NUP210L: variants seen among roughly 807,000 people sequenced by gnomAD.
NUP210L encodes nucleoporin 210 like.
NUP210L carries 74 observed loss-of-function variants against 208.5 expected under a neutral mutation model. The observed-to-expected ratio is 0.35, with a 90% CI of 0.29 to 0.43. The LOEUF (loss-of-function observed/expected upper bound fraction) is 0.43. Ranked by LOEUF, NUP210L falls within the 20% of genes least tolerant of loss-of-function variation. The pLI, the probability that NUP210L is intolerant of heterozygous loss-of-function variation, is 1.00. For synonymous variants in NUP210L, 780 were observed against 816.9 expected (o/e 0.95, Z 0.77); for missense variants, 1,843 against 2,289.4 (o/e 0.81, Z 3.98).
At chr1:154,061,417 C>A (rs1442252384) in intron 18 of NUP210L, among the ~76,000 whole-genome samples, 169 bp downstream of exon 18, 1 of 151,916 alleles carries the variant, frequency 6.6e-6, no homozygotes, top group African/African-American at 2.4e-5. Flanking sequence ...AAGTCAATGT[C>A]TAATTCTTCA....
At chr1:154,003,863 G>A (rs1650350352) in intron 35 of NUP210L, among the ~76,000 whole-genome samples, 1 of 152,080 alleles carries the variant, frequency 6.6e-6, no homozygotes, top group East Asian at 1.9e-4. Context: ...TCTCTGAAAT[G>A]TCTCTGACAT....
Position 154,046,375 on chromosome 1 carries a change from C to T in NUP210L, c.3484-6G>A. 1 of 1,613,176 alleles carries T rather than the reference C, an allele frequency of 6.2e-7. No homozygotes were observed. The highest frequency in any genetic ancestry group is 8.5e-7 in the Non-Finnish European group (1 of 1,179,374). On this transcript the variant is annotated splice_region_variant and splice_polypyrimidine_tract_variant and intron_variant, in intron 25 of 39. Transcript: ENST00000368559. ...ACTTCAATCTGTACTTCATCCTGCT[C>T]AACAGGGTGGAGAGCAAGCTTAGGC... is the stretch of plus-strand genomic sequence containing the variant.
At chr1:154,136,088 T>C (rs1392085586) in intron 6 of NUP210L, 116 bp from the exon 7 acceptor site, 1 of 706,208 alleles carries the variant, frequency 1.4e-6, no homozygotes, top group African/African-American at 1.8e-5. Context: ...GAGTATGATC[T>C]GCTTCTAATG....
intron 21 of NUP210L, 39 bp from the exon 22 acceptor site, chr1:154,058,255 T>G (rs753672230): frequency 1.7e-5 from 28 of 1,608,506 alleles, no homozygotes; most frequent in Non-Finnish European, 2.1e-5. Context: ...CAAAGGTGTC[T>G]CATTCACCAA....
At chr1:154,073,068 T>C (rs1195008333) in intron 16 of NUP210L, among the ~76,000 whole-genome samples, 3 of 151,898 alleles carry the variant, frequency 2.0e-5, no homozygotes, top group African/African-American at 7.3e-5. Context: ...CTCCAACAAA[T>C]TAGCAAGGAA....
At chr1:154,015,981 G>A (rs1227114303) in intron 33 of NUP210L, among the ~76,000 whole-genome samples, 1 of 151,360 alleles carries the variant, frequency 6.6e-6, no homozygotes, top group Non-Finnish European at 1.5e-5. Flanking sequence ...ATGGCTAGGT[G>A]CAGTGGCTCA....
chr1:154,009,739 C>T (rs1650791990), intron 35 of NUP210L, among the ~76,000 whole-genome samples: 1 of 144,504 alleles, frequency 6.9e-6, no homozygotes, highest in Non-Finnish European at 1.5e-5. Flanking sequence ...TTACAGTGAG[C>T]TATGATCACA....
At chr1:154,055,623 T>C (rs1219249454) in intron 23 of NUP210L, among the ~76,000 whole-genome samples, 2 of 152,108 alleles carry the variant, frequency 1.3e-5, no homozygotes, top group African/African-American at 4.8e-5. Context: ...CTCAAACTCC[T>C]AGGCTCAAGT....
intron 13 of NUP210L, 67 bp downstream of exon 13, chr1:154,103,945 A>C: frequency 8.1e-7 from 1 of 1,230,410 alleles, no homozygotes; most frequent in South Asian, 1.4e-5. Flanking sequence ...GTAATCTGTC[A>C]CAGTGGTAGA....
chr1:154,082,889 G>A (rs114304967), intron 16 of NUP210L, among the ~76,000 whole-genome samples: 5,247 of 152,078 alleles, frequency 0.035, 150 homozygotes, highest in Non-Finnish European at 0.052. Context: ...CTGGCTTCAG[G>A]AGTAAAGCTG....
chr1:154,135,758 G>A (rs1280626175), intron 7 of NUP210L, 56 bp downstream of exon 7: 1 of 1,450,584 alleles, frequency 6.9e-7, no homozygotes, highest in Admixed American at 1.7e-5. Context: ...CAAAGAACAT[G>A]TCTAGGATGC....
chr1:153,995,103 G>C (rs1328650578), exon 38 of NUP210L: 1 of 1,613,282 alleles, frequency 6.2e-7, no homozygotes. Context: ...GTTGATGCCA[G>C]CACTGCAAAG....
intron 1 of NUP210L, among the ~76,000 whole-genome samples, chr1:154,153,423 C>T (rs1193949095): frequency 2.0e-5 from 3 of 152,186 alleles, no homozygotes; most frequent in Non-Finnish European, 4.4e-5. Context: ...GATTCTCCTG[C>T]CTCAGCCTCT....
chr1:154,056,823 G>A (rs1205964461), exon 23 of NUP210L: 2 of 1,580,216 alleles, frequency 1.3e-6, no homozygotes, highest in Non-Finnish European at 1.7e-6. Flanking sequence ...ACTTCAATGT[G>A]CCGAGGAGTT....
At chr1:153,999,941 C>T (rs1412698351) in intron 37 of NUP210L, among the ~76,000 whole-genome samples, 1 of 151,554 alleles carries the variant, frequency 6.6e-6, no homozygotes, top group Non-Finnish European at 1.5e-5. Flanking sequence ...CCTCCTGCCT[C>T]AGCCTCCCGA....
intron 35 of NUP210L, among the ~76,000 whole-genome samples, chr1:154,006,825 TATATATATATATATATGTATATATATAA>T (rs1650556757): frequency 7.2e-6 from 1 of 138,610 alleles, no homozygotes; most frequent in African/African-American, 2.7e-5. Flanking sequence ...GCCATATATA[TATATATATATATATATGTATATATATAA>T]ATATATACAT....
At chr1:154,056,908 A>G (rs369888861) in exon 23 of NUP210L, 324 of 1,609,518 alleles carry the variant, frequency 2.0e-4, no homozygotes, top group Non-Finnish European at 2.7e-4. Context: ...TAGCTCGAAG[A>G]ATATAATTTT....
intron 27 of NUP210L, among the ~76,000 whole-genome samples, chr1:154,044,367 A>C (rs1487603336): frequency 6.6e-6 from 1 of 151,312 alleles, no homozygotes; most frequent in Non-Finnish European, 1.5e-5. Flanking sequence ...AGATCGTACC[A>C]TTGCACTCCA....
In NUP210L at chr1:154,136,687, G is replaced by A. The variant is rs796992910; in HGVS notation, c.851-715C>T. On this transcript the variant is annotated intron_variant, in intron 6 of 39. Transcript: ENST00000368559. ...TGTAATCCCAGCACCGTGGGAAGCC[G>A]AGGTGGGTGAACCACGAGGTCAGGA... is the stretch of plus-strand genomic sequence containing the variant. 3.3e-5 allele frequency among the ~76,000 whole-genome samples: 5 copies of A among 151,526 alleles called. 1 individual carries two copies. The highest frequency in any genetic ancestry group is 1.2e-4 in the African/African-American group (5 of 41,348).
Sources: allele counts gnomAD v4.1 joint callset (sites outside exome capture counted in the v4.1 genomes callset), GRCh38; gene constraint gnomAD v4.1.1; transcripts MANE v1.5; gene names NCBI Gene and HGNC (gene_info 2026-07-23, HGNC 2026-07-21).